The following NLRP1 variants were observed in gnomAD, a reference collection of about 807,000 sequenced individuals.
The protein encoded by NLRP1 is NLR family pyrin domain containing 1.
In NLRP1, 94 loss-of-function variants were observed where a neutral mutation model predicts 136.7. The ratio of observed to expected loss-of-function variants is 0.69; its 90% confidence interval spans 0.58 to 0.82. The LOEUF is 0.82. NLRP1 is among the 40% of genes least tolerant of loss of function. The pLI is 0.00. For synonymous variants in NLRP1, 690 were observed against 725.1 expected (o/e 0.95, Z 0.78); for missense variants, 1,575 against 1,802.7 (o/e 0.87, Z 2.29).
chr17:5,506,902 CAAA>C lies in NLRP1; in HGVS notation c.4070-5033_4070-5031del, dbSNP rs199684717. 9.6e-3 allele frequency among the ~76,000 whole-genome samples: 849 copies of C among 88,728 alleles called. 27 individuals are homozygous for C. In the East Asian group the frequency reaches 0.14, roughly 15 times the overall value. 58.2% of individuals were successfully genotyped at this position (88,728 alleles called of 152,430 possible). The stretch of plus-strand genomic sequence containing the variant: ...GGGCAACAAGAGCAAAACTCCATCT[CAAA>C]AAAAAAAAAAAAAAAAAAAAAATTC... On this transcript the variant is annotated intron_variant, in intron 15 of 15. Coordinates refer to the NLRP1 transcript ENST00000262467.
At chr17:5,533,496 CAGTGAGCCATGA>C (rs2151760085) in intron 9 of NLRP1, 112 bp from the exon 10 acceptor site, 3 of 631,138 alleles carry the variant, frequency 4.8e-6, no homozygotes, top group Non-Finnish European at 8.6e-6. Flanking sequence ...GTTTAGGCTG[CAGTGAGCCATGA>C]ACATGCCACT....
intron 3 of NLRP1, among the ~76,000 whole-genome samples, chr17:5,563,345 A>G (rs1394025528): frequency 1.3e-5 from 2 of 152,244 alleles, no homozygotes; most frequent in Non-Finnish European, 2.9e-5. Context: ...ATTCAGGAGA[A>G]AGTCAAAATC....
intron 16 of NLRP1, 105 bp from the exon 17 acceptor site, chr17:5,515,178 A>G (rs1023298986): frequency 5.3e-5 from 58 of 1,096,972 alleles, no homozygotes; most frequent in Non-Finnish European, 6.9e-5. Flanking sequence ...TTCTGCCTCC[A>G]GAAATGCACC....
intron 5 of NLRP1, among the ~76,000 whole-genome samples, chr17:5,544,373 C>A (rs1309341103): frequency 6.6e-6 from 1 of 152,210 alleles, no homozygotes; most frequent in African/African-American, 2.4e-5. Context: ...CCTAATGCAT[C>A]CTGGCAATAC....
In NLRP1 at chr17:5,532,869, C is replaced by T. The variant is rs753212281; in HGVS notation, c.3249G>A (p.Thr1083=). ...LGTDDDFWGP[T]GPVATEVVDK... is the part of the protein sequence containing the mutation. ...CAACTACCTCAGTAGCCACAGGCCC[C>T]GTGGGGCCCCAGAAGTCATCGTCAG... Residue 1083 remains threonine (T), a synonymous_variant, in exon 11 of 17, where the codon ACG becomes ACA. Transcript: ENST00000572272. The T allele has an allele frequency of 6.2e-6, 10 of 1,612,638 alleles. No individual in the cohort carries two copies. Among genetic ancestry groups the T allele is most frequent in the East Asian group, 4.5e-5 (2 of 44,716 alleles).
At chr17:5,572,636 T>C (rs2151819677) in intron 3 of NLRP1, among the ~76,000 whole-genome samples, 1 of 149,482 alleles carries the variant, frequency 6.7e-6, no homozygotes, top group South Asian at 2.1e-4. Context: ...CTTGAGCCCG[T>C]GAGGTGGAGG....
chr17:5,563,438 A>G (rs35666476), intron 3 of NLRP1, among the ~76,000 whole-genome samples: 10,024 of 152,286 alleles, frequency 0.066, 422 homozygotes, highest in African/African-American at 0.11. Flanking sequence ...AACCAAACTG[A>G]TCTGATAGAG....
chr17:5,530,713 A>T lies in NLRP1; in HGVS notation c.3297-9T>A, dbSNP rs1449813638. 6.2e-7 allele frequency: 1 copy of T among 1,609,762 alleles called. No homozygotes were observed. Among genetic ancestry groups the T allele is most frequent in the Admixed American group, 1.7e-5 (1 of 60,028 alleles). The stretch of plus-strand genomic sequence containing the variant: ...CTACAGGGAAGTGAACTCTGGGAAG[A>T]AGAGGGAGAGGCAGACACTTACTGC... On this transcript the variant is annotated splice_polypyrimidine_tract_variant and intron_variant, in intron 11 of 16. Coordinates refer to ENST00000572272, the MANE Select transcript of NLRP1 (RefSeq NM_033004.4).
intron 15 of NLRP1, among the ~76,000 whole-genome samples, chr17:5,517,223 G>A (rs1206264368): frequency 6.6e-6 from 1 of 152,052 alleles, no homozygotes; most frequent in Non-Finnish European, 1.5e-5. Context: ...ATAAATTTTA[G>A]AGGGTCAGAT....
chr17:5,581,804 C>T, intron 3 of NLRP1, 55 bp downstream of exon 3: 3 of 1,408,476 alleles, frequency 2.1e-6, no homozygotes, highest in Middle Eastern at 2.5e-4. Context: ...ACTCTTTGTC[C>T]ATACATTTGC....
downstream of NLRP1, among the ~76,000 whole-genome samples, chr17:5,511,219 C>G (rs548679121): frequency 3.3e-5 from 5 of 151,828 alleles, no homozygotes; most frequent in African/African-American, 7.3e-5. Context: ...TCACTTGATG[C>G]CAGGAGTTCG....
At chr17:5,515,115 T>C (rs756790333) in intron 16 of NLRP1, 42 bp from the exon 17 acceptor site, 2 of 1,557,896 alleles carry the variant, frequency 1.3e-6, no homozygotes, top group Non-Finnish European at 8.8e-7. Context: ...AGCCTCCACC[T>C]CCAATCCCCA....
chr17:5,540,888 G>A (rs76435146), intron 6 of NLRP1, among the ~76,000 whole-genome samples: 2 of 152,242 alleles, frequency 1.3e-5, no homozygotes, highest in Non-Finnish European at 1.5e-5. Flanking sequence ...CAAAGATCTC[G>A]CAAGGTGTAA....
chr17:5,576,734 G>A (rs537367912), intron 3 of NLRP1, among the ~76,000 whole-genome samples: 7 of 152,128 alleles, frequency 4.6e-5, no homozygotes, highest in Non-Finnish European at 1.0e-4. Context: ...AATAGAAAAA[G>A]AAGGAATCCT....
intron 5 of NLRP1, among the ~76,000 whole-genome samples, chr17:5,546,987 A>T (rs1912742883): frequency 1.3e-5 from 2 of 152,136 alleles, no homozygotes; most frequent in African/African-American, 4.8e-5. Flanking sequence ...CCTGATACAG[A>T]GGAGGTAGGT....
chr17:5,516,968 T>A (rs1908202164), intron 15 of NLRP1, among the ~76,000 whole-genome samples: 1 of 152,200 alleles, frequency 6.6e-6, no homozygotes, highest in Non-Finnish European at 1.5e-5. Flanking sequence ...GTCCATAAAT[T>A]TTCTCTATCC....
downstream of NLRP1, chr17:5,512,084 G>T: frequency 1.4e-6 from 1 of 729,804 alleles, no homozygotes; most frequent in Non-Finnish European, 2.5e-6. Flanking sequence ...GGTTTTTGTG[G>T]TTTTGGTGCA....
chr17:5,560,234 C>T (rs1336462049), intron 3 of NLRP1, among the ~76,000 whole-genome samples, 191 bp from the exon 4 acceptor site: 1 of 152,242 alleles, frequency 6.6e-6, no homozygotes, highest in African/African-American at 2.4e-5. Flanking sequence ...CTTGACTCAA[C>T]TAAGTCACAC....
intron 11 of NLRP1, 42 bp downstream of exon 11, chr17:5,532,780 T>C: frequency 6.5e-7 from 1 of 1,534,552 alleles, no homozygotes. Context: ...GGCAGTGGGG[T>C]GCGGGAGGCC....
Sources: allele counts gnomAD v4.1 joint callset (sites outside exome capture counted in the v4.1 genomes callset), GRCh38; gene constraint gnomAD v4.1.1; transcripts MANE v1.5; gene names NCBI Gene and HGNC (gene_info 2026-07-23, HGNC 2026-07-21).